RETREG3: variants seen among roughly 807,000 people sequenced by gnomAD.
RETREG3 encodes the protein reticulophagy regulator family member 3, also known as reticulophagy regulator 3.
Under a neutral mutation model 50.2 loss-of-function variants are expected in RETREG3, and 23 were observed. That is an observed-to-expected ratio of 0.46 (90% confidence interval 0.33 to 0.65). The LOEUF (loss-of-function observed/expected upper bound fraction) is 0.65, where lower values mean the gene tolerates loss of function less well. RETREG3 is among the 30% of genes least tolerant of loss of function. The pLI is 0.02. For missense variants in RETREG3, 546 were observed against 598.0 expected (o/e 0.91, Z 0.91); for synonymous variants, 240 against 234.4 (o/e 1.02, Z -0.22).
intron 1 of RETREG3, among the ~76,000 whole-genome samples, chr17:42,597,605 ATATATATATATATATTTTTTTTTT>A (rs1285635270): frequency 1.8e-4 from 3 of 16,744 alleles, no homozygotes; most frequent in African/African-American, 7.4e-4. Context: ...ATATATATAT[ATATATATATATATATTTTTTTTTT>A]TTTTTTTTTT....
chr17:42,596,359 C>CAAAAA (rs60457978), intron 1 of RETREG3, among the ~76,000 whole-genome samples: 12 of 64,714 alleles, frequency 1.9e-4, no homozygotes, highest in African/African-American at 4.0e-4. Context: ...GACCCTTTCT[C>CAAAAA]AAAAAAAAAA....
At position 42,587,883 on chromosome 17, in the gene RETREG3, C is replaced by T. The variant is rs780964850; in HGVS notation, c.347-19G>A. 1 of 1,614,082 alleles carries T rather than the reference C, an allele frequency of 6.2e-7. No homozygotes were observed. The highest frequency in any genetic ancestry group is 1.1e-5 in the South Asian group (1 of 91,084). ...CTTGGCACTACAATATTAAAACAAA[C>T]ACCAGCATTAGTTGGTAGGGAAAAC... On this transcript the variant is annotated intron_variant, in intron 2 of 8. Coordinates refer to ENST00000309428, the MANE Select transcript of RETREG3 (RefSeq NM_178126.4).
chr17:42,583,425 A>G, intron 7 of RETREG3, 73 bp downstream of exon 7: 1 of 1,455,250 alleles, frequency 6.9e-7, no homozygotes, highest in South Asian at 1.2e-5. Flanking sequence ...TATGGCCTAA[A>G]TGTGAGCTGT....
chr17:42,586,208 G>A (rs951582881), intron 4 of RETREG3, 71 bp from the exon 5 acceptor site: 13 of 1,428,142 alleles, frequency 9.1e-6, no homozygotes, highest in South Asian at 3.5e-5. Flanking sequence ...GAAGGGTTAG[G>A]GTAGAGATAT....
chr17:42,586,378 A>C (rs1334980545), intron 4 of RETREG3: 4 of 492,426 alleles, frequency 8.1e-6, no homozygotes, highest in Non-Finnish European at 1.4e-5. Flanking sequence ...AATTGGTTTG[A>C]ATAGGACTTA....
At chr17:42,601,564 G>C (rs1487605924) in intron 1 of RETREG3, among the ~76,000 whole-genome samples, 1 of 129,802 alleles carries the variant, frequency 7.7e-6, no homozygotes, top group East Asian at 2.7e-4. Flanking sequence ...CAGACAGAGC[G>C]AGACTCTCTC....
At chr17:42,592,524 T>C (rs957829507) in intron 1 of RETREG3, among the ~76,000 whole-genome samples, 18 of 152,204 alleles carry the variant, frequency 1.2e-4, no homozygotes, top group African/African-American at 3.9e-4. Flanking sequence ...GACCCTAGTG[T>C]AGGGCAACAA....
At chr17:42,598,790 T>C (rs2093153023) in intron 1 of RETREG3, 1 of 152,228 alleles carries the variant, frequency 6.6e-6, no homozygotes, top group Non-Finnish European at 1.5e-5. Context: ...CTGGGCTTCT[T>C]ACCACAAGGC....
intron 1 of RETREG3, chr17:42,596,557 T>C (rs749722728): frequency 2.0e-5 from 3 of 152,102 alleles, no homozygotes; most frequent in African/African-American, 4.8e-5. Flanking sequence ...AAGTACTTCA[T>C]CTTCAATTAC....
intron 1 of RETREG3, among the ~76,000 whole-genome samples, chr17:42,593,209 A>ATT (rs2093136571): frequency 6.6e-6 from 1 of 152,224 alleles, no homozygotes; most frequent in Non-Finnish European, 1.5e-5. Context: ...ATTCAGCAGC[A>ATT]TATTAAAAGT....
intron 1 of RETREG3, among the ~76,000 whole-genome samples, chr17:42,592,751 A>C (rs941392505): frequency 6.6e-6 from 1 of 152,178 alleles, no homozygotes; most frequent in African/African-American, 2.4e-5. Flanking sequence ...CGGGAGTTTG[A>C]GGCCAGCCTG....
rs111342928 is a variant in RETREG3 at position 42,598,276 on chromosome 17, C to T, written c.240-6114G>A. 1.1e-3 allele frequency among the ~76,000 whole-genome samples: 172 copies of T among 151,928 alleles called. 1 individual carries two copies. Among genetic ancestry groups the T allele is most frequent in the African/African-American group, 3.6e-3 (148 of 41,458 alleles). ...GATTACAGACGTGAGCCACCGCACC[C>T]GGCCTCTTCCTCTGAAGTTATTATT... On this transcript the variant is annotated intron_variant, in intron 1 of 8. Transcript: ENST00000309428.
chr17:42,597,120 C>G (rs933771194), intron 1 of RETREG3, among the ~76,000 whole-genome samples: 4 of 151,966 alleles, frequency 2.6e-5, no homozygotes, highest in African/African-American at 7.3e-5. Context: ...GTGATCCGCC[C>G]GCTTCGACCT....
At chr17:42,608,428 C>T (rs1382151903) in intron 1 of RETREG3, among the ~76,000 whole-genome samples, 1 of 152,196 alleles carries the variant, frequency 6.6e-6, no homozygotes, top group African/African-American at 2.4e-5. Flanking sequence ...GCTAAGGATG[C>T]CTCTCTAATT....
intron 1 of RETREG3, among the ~76,000 whole-genome samples, chr17:42,600,878 G>A (rs1021877776): frequency 2.0e-5 from 3 of 152,148 alleles, no homozygotes; most frequent in Admixed American, 1.3e-4. Flanking sequence ...CATCAGCCAT[G>A]AGGTGGAATG....
chr17:42,604,533 A>C (rs938669613), intron 1 of RETREG3, among the ~76,000 whole-genome samples: 1 of 151,894 alleles, frequency 6.6e-6, no homozygotes, highest in South Asian at 2.1e-4. Flanking sequence ...GGCTGGGCCC[A>C]GTGGCATGTG....
At chr17:42,590,065 G>A (rs1567922504) in intron 2 of RETREG3, among the ~76,000 whole-genome samples, 2 of 152,158 alleles carry the variant, frequency 1.3e-5, no homozygotes, top group South Asian at 4.1e-4. Flanking sequence ...TTAGCTGGGC[G>A]TAGTGGTGCA....
intron 1 of RETREG3, among the ~76,000 whole-genome samples, chr17:42,595,979 C>G (rs909006084): frequency 1.3e-5 from 2 of 151,844 alleles, no homozygotes; most frequent in African/African-American, 4.8e-5. Context: ...ATCACAGTCC[C>G]CAAACTGAAT....
rs185934801 is a variant in RETREG3, at chr17:42,587,074, A to G, written c.378-183T>C. On this transcript the variant is annotated intron_variant, in intron 3 of 8. Coordinates refer to ENST00000309428, the MANE Select transcript of RETREG3 (RefSeq NM_178126.4). The stretch of plus-strand genomic sequence containing the variant: ...AGGTTGAAATCTGAATTTAGGTACA[A>G]GGAGGACAAACTTGTTCTGACAACT... The G allele has an allele frequency of 1.8e-5, 14 of 775,750 alleles. No individual in the cohort carries two copies. The African/African-American group carries it at 1.9e-4, about 11-fold the overall frequency. 48.1% of individuals were successfully genotyped at this position (775,750 alleles called of 1,614,324 possible).
Sources: gnomAD v4.1 joint callset for allele counts (sites outside exome capture counted in the v4.1 genomes callset) on GRCh38, gnomAD v4.1.1 for gene constraint, MANE v1.5 for transcripts, NCBI Gene and HGNC (gene_info 2026-07-23, HGNC 2026-07-21) for gene names.